The following LCMT1 variants were observed in gnomAD, a reference collection of about 807,000 sequenced individuals.
LCMT1 encodes [Phosphatase 2A protein]-leucine-carboxy methyltransferase 1.
A neutral mutation model predicts 47.7 loss-of-function variants in LCMT1; 32 were observed. The ratio of observed to expected loss-of-function variants is 0.67; its 90% CI spans 0.51 to 0.90. The LOEUF is 0.90. Ranked by LOEUF, LCMT1 falls within the 40% of genes least tolerant of loss-of-function variation. The pLI is 0.00. For synonymous variants in LCMT1, 152 were observed against 149.7 expected (o/e 1.02, Z -0.11); for missense variants, 375 against 415.2 (o/e 0.90, Z 0.84).
intron 5 of LCMT1, among the ~76,000 whole-genome samples, chr16:25,152,062 G>A (rs2141683276): frequency 6.6e-6 from 1 of 152,270 alleles, no homozygotes; most frequent in South Asian, 2.1e-4. Flanking sequence ...ATCCAAGGGT[G>A]GAGGTTTTGG....
chr16:25,125,837 AG>A (rs1960157366), intron 1 of LCMT1: 1 of 118,360 alleles, frequency 8.4e-6, no homozygotes, highest in South Asian at 3.9e-4. Flanking sequence ...CATCTCTAAT[AG>A]TAATAATAAT....
chr16:25,122,938 C>G lies in LCMT1; in HGVS notation c.114-5537C>G, dbSNP rs115506993. Among the ~76,000 whole-genome samples, 619 of 152,180 alleles carry G rather than the reference C, an allele frequency of 4.1e-3. 4 individuals carry two copies. The highest frequency in any genetic ancestry group is 0.014 in the African/African-American group (600 of 41,526). On this transcript the variant is annotated intron_variant, in intron 1 of 10. Transcript: ENST00000399069. Reference sequence around the variant, plus strand: ...GTAGCTGGGATATAGGCACTTGCCACTGTGCCCAGCTTCAGAAGTTTTAAA... The same window carrying G: ...GTAGCTGGGATATAGGCACTTGCCAGTGTGCCCAGCTTCAGAAGTTTTAAA...
chr16:25,162,349 G>A (rs1949673412), intron 6 of LCMT1, among the ~76,000 whole-genome samples: 1 of 151,898 alleles, frequency 6.6e-6, no homozygotes, highest in Non-Finnish European at 1.5e-5. Context: ...AGCACTTTGG[G>A]AGGCCGAGGT....
chr16:25,141,464 GC>G (rs1817097911), intron 4 of LCMT1: 1 of 152,208 alleles, frequency 6.6e-6, no homozygotes, highest in Non-Finnish European at 1.5e-5. Context: ...TCCCACCTCA[GC>G]CTCCTGAGTA....
chr16:25,159,078 A>G (rs934453832), intron 5 of LCMT1: 6 of 152,188 alleles, frequency 3.9e-5, no homozygotes, highest in African/African-American at 1.4e-4. Flanking sequence ...TAATGTGAGT[A>G]AGAGAGATCT....
intron 1 of LCMT1, chr16:25,125,923 T>C (rs757284979): frequency 9.4e-7 from 1 of 1,062,630 alleles, no homozygotes; most frequent in Non-Finnish European, 1.2e-6. Flanking sequence ...TTCCAACTGA[T>C]GTCCTATAAA....
rs1297006230 is a variant in LCMT1 at position 25,136,567 on chromosome 16, C to T, written c.328-3604C>T. On this transcript the variant is annotated intron_variant, in intron 3 of 10. Coordinates refer to ENST00000399069, the MANE Select transcript of LCMT1 (RefSeq NM_016309.3). ...CATGGTGGTTTACTGCACCCATCAA[C>T]CCGTCAGAGTCTCACTCTGTTGCCC... 2.6e-5 allele frequency among the ~76,000 whole-genome samples: 4 copies of T among 151,986 alleles called. No homozygotes were observed. The East Asian group carries it at 7.7e-4, about 29-fold the overall frequency.
At chr16:25,126,929 T>A (rs1309539625) in intron 1 of LCMT1, among the ~76,000 whole-genome samples, 1 of 152,246 alleles carries the variant, frequency 6.6e-6, no homozygotes, top group Non-Finnish European at 1.5e-5. Flanking sequence ...GTTGCTGGGC[T>A]ACCATTCTTG....
chr16:25,138,943 T>A (rs1049712329), intron 3 of LCMT1, among the ~76,000 whole-genome samples: 1 of 152,170 alleles, frequency 6.6e-6, no homozygotes, highest in African/African-American at 2.4e-5. Context: ...TTTCTTTTTT[T>A]TTTTATTTTA....
intron 2 of LCMT1, among the ~76,000 whole-genome samples, chr16:25,131,441 G>A (rs1334367295): frequency 2.6e-5 from 4 of 152,150 alleles, no homozygotes; most frequent in Admixed American, 2.0e-4. Flanking sequence ...CATCGCGGAT[G>A]ATATCTCTGT....
Position 25,178,094 on chromosome 16 carries a change from T to C in LCMT1, c.*71T>C, listed in dbSNP as rs1467845858. ...TCCTGGAGGAGACCTGCAAGCTCCC[T>C]GAGCGGTGGGCGGGCCTCGTCCGCA... On this transcript the variant is annotated 3_prime_UTR_variant, in exon 11 of 11. Transcript: ENST00000399069. 6.7e-7 allele frequency: 1 copy of C among 1,502,858 alleles called. No homozygotes were observed. The highest frequency in any genetic ancestry group is 9.2e-7 in the Non-Finnish European group (1 of 1,083,558). 93.1% of individuals were successfully genotyped at this position (1,502,858 alleles called of 1,614,324 possible).
chr16:25,158,910 G>A (rs1159337013), intron 5 of LCMT1: 4 of 152,204 alleles, frequency 2.6e-5, no homozygotes, highest in African/African-American at 9.7e-5. Context: ...CTTCCCATGT[G>A]GTATACCAGT....
chr16:25,144,206 C>T (rs761666077), intron 4 of LCMT1: 1 of 152,220 alleles, frequency 6.6e-6, no homozygotes, highest in Non-Finnish European at 1.5e-5. Flanking sequence ...CTTTTCCTTC[C>T]ATATGGCTGC....
rs983354715 is a variant in LCMT1, at chr16:25,137,871, A to G, written c.328-2300A>G. Among the ~76,000 whole-genome samples, 3 of 152,094 alleles carry G rather than the reference A, an allele frequency of 2.0e-5. No homozygotes were observed. The East Asian group carries it at 5.8e-4, about 29-fold the overall frequency. On this transcript the variant is annotated intron_variant, in intron 3 of 10. Transcript: ENST00000399069. ...GTTTGCTCTTAAGGGTCATTCACCTACTAGGATATGGTTACTGGTGATTTC... is the reference window on the plus strand; with the variant it reads ...GTTTGCTCTTAAGGGTCATTCACCTGCTAGGATATGGTTACTGGTGATTTC...
intron 10 of LCMT1, among the ~76,000 whole-genome samples, chr16:25,176,550 C>CTTTTTTTTTTTTTTTT (rs1170373745): frequency 2.3e-5 from 1 of 44,258 alleles, no homozygotes; most frequent in Non-Finnish European, 3.6e-5. Flanking sequence ...TTTTTTTTGG[C>CTTTTTTTTTTTTTTTT]TTTTTTTTTT....
At chr16:25,166,493 C>T (rs578082811) in intron 7 of LCMT1, among the ~76,000 whole-genome samples, 89 of 152,174 alleles carry the variant, frequency 5.8e-4, no homozygotes, top group African/African-American at 1.9e-3. Flanking sequence ...GCCTCGACCG[C>T]GGGCTCAGAT....
chr16:25,157,816 G>T (rs1238633705), intron 5 of LCMT1, among the ~76,000 whole-genome samples: 3 of 152,132 alleles, frequency 2.0e-5, no homozygotes, highest in Non-Finnish European at 4.4e-5. Context: ...TGTGTAGCAG[G>T]CATTGGGCTA....
intron 3 of LCMT1, among the ~76,000 whole-genome samples, chr16:25,138,823 C>G (rs1362953404): frequency 6.6e-6 from 1 of 152,212 alleles, no homozygotes; most frequent in African/African-American, 2.4e-5. Context: ...TCTTTGGATC[C>G]CCGTGTGATA....
In LCMT1 at chr16:25,140,215, A is replaced by G; in HGVS notation, c.372A>G (p.Pro124=). ...GTAAATATTTTGAGGTTGACTTTCC[A>G]ATGATTGTCACGAGAAAGCTGCACA... ...LPSKYFEVDF[P]MIVTRKLHSI... is the part of the protein sequence containing the mutation. Residue 124 remains proline (P), a synonymous_variant, in exon 4 of 11, where the codon CCA becomes CCG. Coordinates refer to ENST00000399069, the MANE Select transcript of LCMT1 (RefSeq NM_016309.3). 6.2e-7 allele frequency: 1 copy of G among 1,607,836 alleles called. No homozygotes were observed.
Sources: allele counts gnomAD v4.1 joint callset (sites outside exome capture counted in the v4.1 genomes callset), GRCh38; gene constraint gnomAD v4.1.1; transcripts MANE v1.5; gene names NCBI Gene and HGNC (gene_info 2026-07-23, HGNC 2026-07-21).